ZNF180: variants seen among roughly 807,000 people sequenced by gnomAD.
ZNF180 encodes the protein zinc finger protein 180.
Under a neutral mutation model 11.8 loss-of-function variants are expected in ZNF180, and 11 were observed. The observed-to-expected ratio is 0.93, with a 90% CI of 0.59 to 1.55. ZNF180 has a LOEUF of 1.55. Among genes scored for constraint, ZNF180 ranks in the 40% most tolerant of loss-of-function variants. The pLI, the probability that ZNF180 is intolerant of heterozygous loss-of-function variation, is 0.00. For missense variants in ZNF180, 773 were observed against 781.7 expected (o/e 0.99, Z 0.13); for synonymous variants, 287 against 257.7 (o/e 1.11, Z -1.09).
Position 44,497,313 on chromosome 19 carries a change from G to T in ZNF180, c.22C>A (p.Pro8Thr). The T allele has an allele frequency of 1.3e-6, 2 of 1,595,652 alleles. No individual in the cohort carries two copies. Among genetic ancestry groups the T allele is most frequent in the Non-Finnish European group, 1.7e-6 (2 of 1,173,982 alleles). Residue 8 changes from proline (P) to threonine (T), a missense_variant, in exon 2 of 5, where the codon CCC becomes ACC. Coordinates refer to ENST00000592529, the MANE Select transcript of ZNF180 (RefSeq NM_001278509.3). ...GCACAGACCTTCGGGGGCTCTGGGG[G>T]CTTCTCATCCTGCTCTTCCATGCTC... is the stretch of plus-strand genomic sequence containing the variant. MEEQDEK[P>T]PEPPKVCAQD...
At chr19:44,496,087 T>C (rs1199842625) in intron 2 of ZNF180, among the ~76,000 whole-genome samples, 1 of 152,094 alleles carries the variant, frequency 6.6e-6, no homozygotes, top group African/African-American at 2.4e-5. Context: ...GACACAATCA[T>C]AGCTTACTAC....
intron 3 of ZNF180, 166 bp from the exon 4 acceptor site, chr19:44,479,575 G>T: frequency 2.4e-6 from 2 of 839,758 alleles, no homozygotes; most frequent in Non-Finnish European, 3.6e-6. Flanking sequence ...GTGCCTTCTG[G>T]GTGAGCTCTT....
intron 2 of ZNF180, among the ~76,000 whole-genome samples, chr19:44,490,020 AAAAAGACAG>A (rs1970397009): frequency 1.4e-3 from 47 of 32,908 alleles, no homozygotes; most frequent in Non-Finnish European, 2.9e-3. Flanking sequence ...GAAAAGAAAG[AAAAAGACAG>A]GAAAGAAAGA....
In ZNF180 at chr19:44,476,619, G is replaced by A. The variant is rs746226111; in HGVS notation, c.1781C>T (p.Thr594Ile). Reference sequence around the variant, plus strand: ...TCCAGTATGAGTTCTCTGATGTTGAGTAAGGCATGAACTCTGTCTGAAGGA... The same window carrying A: ...TCCAGTATGAGTTCTCTGATGTTGAATAAGGCATGAACTCTGTCTGAAGGA... ...GKSFRQSSCL[T>I]QHQRTHTGEK... Residue 594 changes from threonine to isoleucine, a missense_variant, in exon 5 of 5, where the codon ACT (threonine) becomes ATT (isoleucine). By Grantham distance (89) the Thr-to-Ile change is moderately conservative. Transcript: ENST00000592529. 5.9e-5 allele frequency: 95 copies of A among 1,613,762 alleles called. No homozygotes were observed. The highest frequency in any genetic ancestry group is 7.5e-5 in the Non-Finnish European group (88 of 1,179,962).
chr19:44,498,340 CT>C (rs1286167231), intron 1 of ZNF180, among the ~76,000 whole-genome samples: 5 of 152,130 alleles, frequency 3.3e-5, no homozygotes, highest in Non-Finnish European at 7.4e-5. Context: ...ACCCTCTGCA[CT>C]CCATCTCTCC....
intron 1 of ZNF180, among the ~76,000 whole-genome samples, chr19:44,498,146 C>G (rs1002043086): frequency 1.3e-5 from 2 of 152,140 alleles, no homozygotes; most frequent in Non-Finnish European, 2.9e-5. Flanking sequence ...CTTGGGTATA[C>G]TCAGGCCTGA....
At position 44,484,394 on chromosome 19, in the gene ZNF180, T is replaced by C; in HGVS notation, c.93A>G (p.Gly31=). Residue 31 remains glycine, a synonymous_variant, in exon 3 of 5, where the codon GGA becomes GGG. Transcript: ENST00000592529. ...LPQEIIIKVE[G]EDTGSLTIPS... ...GGATGGTCAGAGACCCAGTGTCTTCTCCCTCGACTTTGATGATAATCTCTT... is the reference window on the plus strand; with the variant it reads ...GGATGGTCAGAGACCCAGTGTCTTCCCCCTCGACTTTGATGATAATCTCTT... 6.2e-7 allele frequency: 1 copy of C among 1,614,116 alleles called. No individual in the cohort carries two copies. Among genetic ancestry groups the C allele is most frequent in the Non-Finnish European group, 8.5e-7 (1 of 1,179,972 alleles).
chr19:44,499,835 T>C (rs1291713018), intron 1 of ZNF180, among the ~76,000 whole-genome samples: 1 of 152,186 alleles, frequency 6.6e-6, no homozygotes, highest in African/African-American at 2.4e-5. Context: ...TACAACCTTT[T>C]GCTTCCTACC....
intron 4 of ZNF180, among the ~76,000 whole-genome samples, 171 bp from the exon 5 acceptor site, chr19:44,478,317 C>T (rs1969987932): frequency 6.6e-6 from 1 of 152,174 alleles, no homozygotes; most frequent in Non-Finnish European, 1.5e-5. Flanking sequence ...TACAGAACTA[C>T]CACAGCCCAA....
intron 2 of ZNF180, among the ~76,000 whole-genome samples, chr19:44,488,612 T>G (rs916413763): frequency 6.6e-6 from 1 of 152,012 alleles, no homozygotes; most frequent in African/African-American, 2.4e-5. Flanking sequence ...CTCGGCTCGC[T>G]ACAACCTCCA....
intron 4 of ZNF180, 52 bp from the exon 5 acceptor site, chr19:44,478,198 A>G: frequency 6.8e-7 from 1 of 1,464,902 alleles, no homozygotes. Flanking sequence ...AGAGATGGAA[A>G]AATGGAATAA....
chr19:44,476,523 C>A lies in ZNF180; in HGVS notation c.1877G>T (p.Arg626Ile), dbSNP rs753431822. The A allele has an allele frequency of 4.2e-5, 68 of 1,614,014 alleles. No individual in the cohort carries two copies. The highest frequency in any genetic ancestry group is 6.7e-5 in the Admixed American group (4 of 59,994). ...AAAGGGTTTCTCTCCAGTATGAGTT[C>A]TTTGATGCACAATAAGTCGAGCACT... Reference protein sequence around the residue: ...SLSARLIVHQRTHTGEKPFTC... With the variant: ...SLSARLIVHQITHTGEKPFTC... The change falls in exon 5 of 5, where the codon AGA becomes ATA. Residue 626 changes from arginine (R) to isoleucine (I), a missense_variant. Arg to Ile is a moderately conservative substitution (Grantham distance 97). Coordinates refer to ENST00000592529, the MANE Select transcript of ZNF180 (RefSeq NM_001278509.3).
At chr19:44,487,745 T>C (rs1970267267) in intron 2 of ZNF180, among the ~76,000 whole-genome samples, 2 of 152,224 alleles carry the variant, frequency 1.3e-5, no homozygotes, top group South Asian at 4.1e-4. Context: ...GTTTTGGTTT[T>C]GAGACAGAGT....
chr19:44,477,636 A>G lies in ZNF180; in HGVS notation c.764T>C (p.Phe255Ser). 6.2e-7 allele frequency: 1 copy of G among 1,614,034 alleles called. No homozygotes were observed. The highest frequency in any genetic ancestry group is 8.5e-7 in the Non-Finnish European group (1 of 1,179,962). Residue 255 changes from phenylalanine to serine, a missense_variant, in exon 5 of 5, where the codon TTT (phenylalanine) becomes TCT (serine). By Grantham distance (155) the Phe-to-Ser change is radical. Coordinates refer to ENST00000592529, the MANE Select transcript of ZNF180 (RefSeq NM_001278509.3). ...TATATGTAGGGGTGTACCATGGCAA[A>G]AAGATTGAATACGGTCACTAAATCC... ...SYGFSDRIQSFCHGTPLHIHE... is the reference protein window; with the variant it reads ...SYGFSDRIQSSCHGTPLHIHE...
In ZNF180 at chr19:44,484,245, G is replaced by A. The variant is rs113364064; in HGVS notation, c.126+116C>T. On this transcript the variant is annotated intron_variant, in intron 3 of 4. Coordinates refer to ENST00000592529, the MANE Select transcript of ZNF180 (RefSeq NM_001278509.3). ...GATCTCCTGACCTCATGATCTGCCC[G>A]CCTCAGCCTCCCAAAGTGCTGGCAG... 0.012 allele frequency: 9,500 copies of A among 775,108 alleles called. 75 individuals carry two copies. Among genetic ancestry groups the A allele is most frequent in the African/African-American group, 0.025 (1,460 of 58,760 alleles). 48.0% of individuals were successfully genotyped at this position (775,108 alleles called of 1,614,324 possible). A position where few individuals can be genotyped will look rare whatever the true frequency, so the allele number is the denominator to read the frequency against.
At chr19:44,485,187 C>T (rs1865385) in intron 2 of ZNF180, 105,549 of 143,606 alleles carry the variant, frequency 0.73, 39,358 homozygotes, top group East Asian at 1. Flanking sequence ...AAAAAAAAGT[C>T]TAGCAAAAGG....
At chr19:44,489,403 C>A (rs1428162523) in intron 2 of ZNF180, among the ~76,000 whole-genome samples, 1 of 142,426 alleles carries the variant, frequency 7.0e-6, no homozygotes, top group Non-Finnish European at 1.5e-5. Flanking sequence ...AAGAAAAATT[C>A]TTCTGCCTTG....
intron 1 of ZNF180, among the ~76,000 whole-genome samples, chr19:44,498,398 G>A (rs113018469): frequency 6.6e-5 from 10 of 152,244 alleles, no homozygotes; most frequent in African/African-American, 9.6e-5. Flanking sequence ...GCAGCATAGC[G>A]TAGGTTCACA....
chr19:44,497,428 TG>T, intron 1 of ZNF180, 51 bp from the exon 2 acceptor site: 2 of 1,516,844 alleles, frequency 1.3e-6, no homozygotes, highest in Non-Finnish European at 8.8e-7. Flanking sequence ...CCGGAACCGC[TG>T]GGCCCCCCAC....
Sources: allele counts gnomAD v4.1 joint callset (sites outside exome capture counted in the v4.1 genomes callset), GRCh38; gene constraint gnomAD v4.1.1; transcripts MANE v1.5; gene names NCBI Gene and HGNC (gene_info 2026-07-23, HGNC 2026-07-21).